Variants in CLDN14 observed in about 807,000 individuals in gnomAD.
CLDN14 encodes the protein claudin-14.
Under a neutral mutation model 2.1 loss-of-function variants are expected in CLDN14, and 2 were observed. The ratio of observed to expected loss-of-function variants is 0.96; its 90% CI spans 0.39 to 3.01. CLDN14 has a LOEUF of 3.01. Among genes scored for constraint, CLDN14 ranks in the 30% most tolerant of loss-of-function variants. The pLI, the probability that CLDN14 is intolerant of heterozygous loss-of-function variation, is 0.09. For missense variants in CLDN14, 298 were observed against 328.0 expected (o/e 0.91, Z 0.71); for synonymous variants, 136 against 154.4 (o/e 0.88, Z 0.88).
At chr21:36,464,866 C>T (rs565115913) in intron 1 of CLDN14, among the ~76,000 whole-genome samples, 2 of 152,310 alleles carry the variant, frequency 1.3e-5, no homozygotes, top group South Asian at 4.1e-4. Flanking sequence ...CTGTCATTTC[C>T]CCTTTAAGAA....
intron 1 of CLDN14, among the ~76,000 whole-genome samples, chr21:36,569,230 A>G (rs1256214001): frequency 1.3e-5 from 2 of 152,230 alleles, no homozygotes; most frequent in Non-Finnish European, 2.9e-5. Context: ...AGCCTGCCCA[A>G]TATGGTGAAA....
chr21:36,505,476 A>G (rs2087124603), intron 2 of CLDN14, among the ~76,000 whole-genome samples: 1 of 152,208 alleles, frequency 6.6e-6, no homozygotes, highest in Non-Finnish European at 1.5e-5. Context: ...GAAGAACAGG[A>G]GCACTTAGAT....
intron 1 of CLDN14, among the ~76,000 whole-genome samples, chr21:36,539,917 T>C (rs2087472283): frequency 6.6e-6 from 1 of 151,140 alleles, no homozygotes. Flanking sequence ...GATTGGAGTG[T>C]GTCTGTGGAG....
At position 36,545,849 on chromosome 21, in the gene CLDN14, C is replaced by G. The variant is rs117456065; in HGVS notation, c.-220+30562G>C. Among the ~76,000 whole-genome samples the G allele has an allele frequency of 1.8e-3, 280 of 152,254 alleles. 3 individuals are homozygous for G. Among genetic ancestry groups the G allele is most frequent in the Non-Finnish European group, 1.4e-3 (98 of 68,022 alleles). On this transcript the variant is annotated intron_variant, in intron 1 of 2. Transcript: ENST00000342108. ...GTCTTCAAGGCCAAGTTTGCTTCTCCTGGAGCATCCCCAGGAGATGTCTGC... is the reference window on the plus strand; with the variant it reads ...GTCTTCAAGGCCAAGTTTGCTTCTCGTGGAGCATCCCCAGGAGATGTCTGC...
chr21:36,474,867 G>T (rs1160359845), intron 1 of CLDN14, among the ~76,000 whole-genome samples: 1 of 152,234 alleles, frequency 6.6e-6, no homozygotes, highest in African/African-American at 2.4e-5. Flanking sequence ...AACGGGAGGG[G>T]AGGCGGGAGC....
Position 36,537,651 on chromosome 21 carries a change from C to CTTTTTTTTTTTTTTTTTTTTTT in CLDN14, c.-219-27152_-219-27151insAAAAAAAAAAAAAAAAAAAAAA, listed in dbSNP as rs371651908. ...CTTCTTTTTTCTTTGTTTTTCTTTT[C>CTTTTTTTTTTTTTTTTTTTTTT]TTTTCTTTTTTTTTTTGAGACGGAG... On this transcript the variant is annotated intron_variant, in intron 1 of 2. Transcript: ENST00000342108. 1.4e-5 allele frequency among the ~76,000 whole-genome samples: 2 copies of CTTTTTTTTTTTTTTTTTTTTTT among 143,606 alleles called. 1 individual carries two copies. The allele number at this position is 143,606 out of a possible 152,430, so 94.2% of individuals were successfully genotyped here. A position where few individuals can be genotyped will look rare whatever the true frequency, so the allele number is the denominator to read the frequency against.
At chr21:36,509,921 C>T (rs1182895806) in intron 2 of CLDN14, among the ~76,000 whole-genome samples, 4 of 152,204 alleles carry the variant, frequency 2.6e-5, no homozygotes, top group Non-Finnish European at 5.9e-5. Flanking sequence ...AGACTGACAG[C>T]TTAGAAACCA....
intron 2 of CLDN14, among the ~76,000 whole-genome samples, chr21:36,490,965 C>G (rs2086958367): frequency 6.6e-6 from 1 of 151,640 alleles, no homozygotes; most frequent in African/African-American, 2.4e-5. Context: ...CACACACACA[C>G]ACACACACAC....
At chr21:36,475,541 G>C (rs2086767733) in intron 1 of CLDN14, among the ~76,000 whole-genome samples, 1 of 152,188 alleles carries the variant, frequency 6.6e-6, no homozygotes, top group South Asian at 2.1e-4. Context: ...AGGCAGGTTT[G>C]AGAACCAATG....
intron 1 of CLDN14, among the ~76,000 whole-genome samples, chr21:36,519,640 G>A (rs1388895189): frequency 6.6e-6 from 1 of 152,190 alleles, no homozygotes; most frequent in East Asian, 1.9e-4. Context: ...AACCCGGCAG[G>A]TGGAGGTTGC....
chr21:36,554,670 T>C (rs1318907456), intron 1 of CLDN14, among the ~76,000 whole-genome samples: 1 of 152,152 alleles, frequency 6.6e-6, no homozygotes, highest in Non-Finnish European at 1.5e-5. Context: ...TTCTGATTTT[T>C]GAGCCACTAG....
intron 1 of CLDN14, among the ~76,000 whole-genome samples, chr21:36,529,066 T>C (rs549099901): frequency 6.6e-6 from 1 of 152,350 alleles, no homozygotes; most frequent in East Asian, 1.9e-4. Flanking sequence ...AAAGAAACAC[T>C]TCTTCCTCAC....
intron 1 of CLDN14, among the ~76,000 whole-genome samples, chr21:36,523,739 C>G (rs1282041141): frequency 1.1e-5 from 1 of 92,148 alleles, no homozygotes; most frequent in South Asian, 4.7e-4. Flanking sequence ...CAGAGTGAGA[C>G]TCCATCTAAA....
chr21:36,521,902 A>G (rs1028078175), intron 1 of CLDN14, among the ~76,000 whole-genome samples: 5 of 152,178 alleles, frequency 3.3e-5, no homozygotes, highest in African/African-American at 7.2e-5. Flanking sequence ...TGAAAATCAC[A>G]TTGGAAAATA....
chr21:36,523,639 T>C (rs7282508), intron 1 of CLDN14, among the ~76,000 whole-genome samples: 118,414 of 148,438 alleles, frequency 0.8, 48,242 homozygotes, highest in Middle Eastern at 0.91. Context: ...CCCCAGCTAC[T>C]CGGGAGGCTA....
At chr21:36,479,407 T>C (rs1366044857) in intron 1 of CLDN14, 88 bp downstream of exon 1, 1 of 152,276 alleles carries the variant, frequency 6.6e-6, no homozygotes, top group East Asian at 1.9e-4. Flanking sequence ...CATGCACATC[T>C]AACCGGCAGG....
At position 36,460,946 on chromosome 21, in the gene CLDN14, C is replaced by A. The variant is rs781087324; in HGVS notation, c.*30G>T. ...GTCCCGCCGGGGACCCAGCCCACAG[C>A]AGCCCAGGGGAGAAGCAGGCTGTGG... On this transcript the variant is annotated 3_prime_UTR_variant, in exon 2 of 2. Transcript: ENST00000399135. This position sits in a 1 kb window ranked among gnomAD's most constrained non-coding sequence, Gnocchi z 4.0. 6.2e-7 allele frequency: 1 copy of A among 1,606,414 alleles called. No homozygotes were observed. The highest frequency in any genetic ancestry group is 8.5e-7 in the Non-Finnish European group (1 of 1,176,638).
chr21:36,552,023 T>C (rs552183874), intron 1 of CLDN14, among the ~76,000 whole-genome samples: 97 of 152,268 alleles, frequency 6.4e-4, no homozygotes, highest in African/African-American at 2.3e-3. Flanking sequence ...ATGGGAGAAG[T>C]GATAAAGTTA....
At chr21:36,529,691 C>T (rs757027079) in intron 1 of CLDN14, among the ~76,000 whole-genome samples, 15 of 152,166 alleles carry the variant, frequency 9.9e-5, no homozygotes, top group Non-Finnish European at 2.9e-5. Flanking sequence ...TTCCCTTAAT[C>T]CTTATTTAGA....
Sources: allele counts gnomAD v4.1 joint callset (sites outside exome capture counted in the v4.1 genomes callset), GRCh38; gene constraint gnomAD v4.1.1; non-coding constraint Gnocchi (gnomAD v3.1); transcripts MANE v1.5; gene names NCBI Gene and HGNC (gene_info 2026-07-23, HGNC 2026-07-21).